The following PPP4R3B variants were observed in gnomAD, a reference collection of about 807,000 sequenced individuals.
PPP4R3B encodes the protein protein phosphatase 4 regulatory subunit 3B, also known as serine/threonine-protein phosphatase 4 regulatory subunit 3B.
PPP4R3B carries 52 observed loss-of-function variants against 95.4 expected under a neutral mutation model. The observed-to-expected ratio is 0.54, with a 90% confidence interval of 0.44 to 0.69. PPP4R3B has a LOEUF of 0.69. Among genes scored for constraint, PPP4R3B ranks in the 30% least tolerant of loss-of-function variants. The pLI, the probability that PPP4R3B is intolerant of heterozygous loss-of-function variation, is 0.00. For synonymous variants in PPP4R3B, 407 were observed against 343.9 expected (o/e 1.18, Z -2.03); for missense variants, 1,003 against 1,005.9 (o/e 1.00, Z 0.04).
At chr2:55,555,940 A>G (rs1248013841) in intron 16 of PPP4R3B, among the ~76,000 whole-genome samples, 1 of 152,268 alleles carries the variant, frequency 6.6e-6, no homozygotes, top group Non-Finnish European at 1.5e-5. Flanking sequence ...CATAGAAAAT[A>G]TACGTTTTAC....
chr2:55,559,988 G>A (rs1376573881), intron 15 of PPP4R3B, among the ~76,000 whole-genome samples: 4 of 152,062 alleles, frequency 2.6e-5, no homozygotes, highest in African/African-American at 9.7e-5. Context: ...TGGGGGTGGT[G>A]GTGCACACCT....
intron 2 of PPP4R3B, among the ~76,000 whole-genome samples, chr2:55,612,932 C>T (rs1030538371): frequency 3.4e-5 from 5 of 148,470 alleles, no homozygotes; most frequent in South Asian, 2.1e-4. Context: ...GACGACAGAG[C>T]GAGACTCCAT....
At chr2:55,601,384 CTTT>C (rs942809837) in intron 3 of PPP4R3B, among the ~76,000 whole-genome samples, 2 of 142,080 alleles carry the variant, frequency 1.4e-5, no homozygotes, top group Non-Finnish European at 3.1e-5. Context: ...CTGTCTTTTT[CTTT>C]TTTTTTTTTT....
chr2:55,590,556 G>A (rs1358967053), intron 4 of PPP4R3B, among the ~76,000 whole-genome samples: 1 of 151,972 alleles, frequency 6.6e-6, no homozygotes, highest in East Asian at 1.9e-4. Flanking sequence ...GAAAAAATGG[G>A]CAAAAATATT....
At position 55,547,708 on chromosome 2, in the gene PPP4R3B, G is replaced by T. The variant is rs570017630; in HGVS notation, c.*2203C>A. On this transcript the variant is annotated 3_prime_UTR_variant, in exon 17 of 17. Coordinates refer to ENST00000616407, the MANE Select transcript of PPP4R3B (RefSeq NM_001122964.3). ...GGAGGCTGAGGCGGGTGGATTGTGA[G>T]GTCAGGAGTTTAAGACCAGCCTGGC... is the stretch of plus-strand genomic sequence containing the variant. 1 of 152,320 alleles carries T rather than the reference G, an allele frequency of 6.6e-6. No individual in the cohort carries two copies. The highest frequency in any genetic ancestry group is 1.9e-4 in the East Asian group (1 of 5,188). 9.4% of individuals were successfully genotyped at this position (152,320 alleles called of 1,614,324 possible).
chr2:55,566,991 C>T (rs1294782432), intron 13 of PPP4R3B, among the ~76,000 whole-genome samples: 1 of 152,200 alleles, frequency 6.6e-6, no homozygotes, highest in Non-Finnish European at 1.5e-5. Context: ...TGGGCAACAG[C>T]ATGAGACCTT....
chr2:55,582,374 C>T (rs1305164209), intron 7 of PPP4R3B, among the ~76,000 whole-genome samples: 1 of 152,098 alleles, frequency 6.6e-6, no homozygotes, highest in East Asian at 1.9e-4. Context: ...CTGCCTCAGC[C>T]TCTTTAGTAG....
At chr2:55,587,915 G>C (rs1466777615) in intron 5 of PPP4R3B, among the ~76,000 whole-genome samples, 1 of 152,082 alleles carries the variant, frequency 6.6e-6, no homozygotes, top group East Asian at 1.9e-4. Flanking sequence ...TCATTATTTT[G>C]TGAAATCCAA....
At chr2:55,578,194 C>T (rs1324438908) in intron 10 of PPP4R3B, 53 bp downstream of exon 10, 3 of 1,326,646 alleles carry the variant, frequency 2.3e-6, no homozygotes, top group African/African-American at 1.5e-5. Context: ...CGTATATACA[C>T]ATCATAACAA....
chr2:55,578,098 A>C, intron 10 of PPP4R3B, 149 bp downstream of exon 10: 1 of 804,530 alleles, frequency 1.2e-6, no homozygotes, highest in East Asian at 3.5e-5. Context: ...TAGATCTCAA[A>C]AATAACACTG....
intron 15 of PPP4R3B, among the ~76,000 whole-genome samples, chr2:55,562,927 G>T (rs1039622193): frequency 6.6e-6 from 1 of 152,170 alleles, no homozygotes; most frequent in African/African-American, 2.4e-5. Context: ...TAAAGACAAT[G>T]ATCAAGTCCG....
At chr2:55,599,640 C>G (rs1188090509) in intron 3 of PPP4R3B, among the ~76,000 whole-genome samples, 1 of 152,124 alleles carries the variant, frequency 6.6e-6, no homozygotes, top group Non-Finnish European at 1.5e-5. Flanking sequence ...CATAACGTCT[C>G]AGAGACAGCC....
chr2:55,613,017 T>G (rs926515713), intron 2 of PPP4R3B, among the ~76,000 whole-genome samples: 16 of 151,900 alleles, frequency 1.1e-4, no homozygotes, highest in Non-Finnish European at 2.1e-4. Flanking sequence ...AGGCTGAAAT[T>G]GGAGGATCGC....
rs1219591122 is a variant in PPP4R3B at position 55,617,411 on chromosome 2, A to T, written c.-126T>A. On this transcript the variant is annotated 5_prime_UTR_variant, in exon 1 of 17. Coordinates refer to ENST00000616407, the MANE Select transcript of PPP4R3B (RefSeq NM_001122964.3). ...CGGCGGCGGCTTCGGAGAGGCCCGA[A>T]TTCACCATGGCTCCAAAGGTTCAGC... 1.8e-6 allele frequency: 2 copies of T among 1,141,618 alleles called. No individual in the cohort carries two copies. The highest frequency in any genetic ancestry group is 2.3e-6 in the Non-Finnish European group (2 of 854,722). The allele number at this position is 1,141,618 out of a possible 1,614,324, so 70.7% of individuals were successfully genotyped here. A position where few individuals can be genotyped will look rare whatever the true frequency, so the allele number is the denominator to read the frequency against.
intron 4 of PPP4R3B, chr2:55,591,540 G>A (rs1691027478): frequency 1.0e-6 from 1 of 983,644 alleles, no homozygotes; most frequent in Non-Finnish European, 1.2e-6. Context: ...CTATTTTCCT[G>A]CATCTGTTGT....
intron 8 of PPP4R3B, among the ~76,000 whole-genome samples, chr2:55,580,992 C>T (rs1689369278): frequency 6.6e-6 from 1 of 152,174 alleles, no homozygotes; most frequent in Non-Finnish European, 1.5e-5. Flanking sequence ...GTGACTCACA[C>T]CTGTAATCCC....
intron 15 of PPP4R3B, among the ~76,000 whole-genome samples, chr2:55,559,186 A>C (rs1433347149): frequency 6.6e-6 from 1 of 152,034 alleles, no homozygotes; most frequent in Non-Finnish European, 1.5e-5. Context: ...GTCTCTGCTA[A>C]AAATACAAAA....
At chr2:55,599,980 T>C (rs985676953) in intron 3 of PPP4R3B, among the ~76,000 whole-genome samples, 26 of 152,356 alleles carry the variant, frequency 1.7e-4, no homozygotes, top group South Asian at 4.1e-4. Context: ...AAACTTATGC[T>C]TTCTCAAAGC....
intron 15 of PPP4R3B, among the ~76,000 whole-genome samples, chr2:55,564,021 T>C (rs1296511101): frequency 2.0e-5 from 3 of 152,196 alleles, no homozygotes; most frequent in Admixed American, 1.3e-4. Context: ...AATTTCAGTA[T>C]AGAAATAAAG....
Sources: allele counts gnomAD v4.1 joint callset (sites outside exome capture counted in the v4.1 genomes callset), GRCh38; gene constraint gnomAD v4.1.1; transcripts MANE v1.5; gene names NCBI Gene and HGNC (gene_info 2026-07-23, HGNC 2026-07-21).